The following SRBD1 variants were observed in gnomAD, a reference collection of about 807,000 sequenced individuals.
The protein encoded by SRBD1 is S1 RNA binding domain 1, also known as S1 RNA-binding domain-containing protein 1.
In SRBD1, 88 loss-of-function variants were observed where a neutral mutation model predicts 115.3. The ratio of observed to expected loss-of-function variants is 0.76; its 90% CI spans 0.64 to 0.91. The LOEUF (loss-of-function observed/expected upper bound fraction) is 0.91, where lower values mean the gene tolerates loss of function less well. Among genes scored for constraint, SRBD1 ranks in the 40% least tolerant of loss-of-function variants. SRBD1 has a pLI of 0.00. For missense variants in SRBD1, 1,385 were observed against 1,177.4 expected (o/e 1.18, Z -2.58); for synonymous variants, 509 against 407.7 (o/e 1.25, Z -2.99).
chr2:45,588,481 T>C (rs1020945108), intron 4 of SRBD1, among the ~76,000 whole-genome samples: 2 of 152,234 alleles, frequency 1.3e-5, no homozygotes, highest in Non-Finnish European at 2.9e-5. Flanking sequence ...CTGTACCTTT[T>C]CCTGTTTCCT....
intron 3 of SRBD1, 94 bp from the exon 4 acceptor site, chr2:45,599,929 TACAC>T (rs1313909425): frequency 6.0e-6 from 8 of 1,329,924 alleles, no homozygotes; most frequent in African/African-American, 1.5e-5. Flanking sequence ...AAATTATTGA[TACAC>T]ACAATAACTT....
chr2:45,552,325 T>C (rs1396186830), intron 11 of SRBD1, among the ~76,000 whole-genome samples: 1 of 152,164 alleles, frequency 6.6e-6, no homozygotes, highest in African/African-American at 2.4e-5. Flanking sequence ...TAAACTGAAA[T>C]AAGTTATATT....
chr2:45,569,895 T>C (rs1023656667), intron 9 of SRBD1, among the ~76,000 whole-genome samples: 1 of 152,188 alleles, frequency 6.6e-6, no homozygotes, highest in Non-Finnish European at 1.5e-5. Context: ...ATCCTTCAAG[T>C]GTTAAGGCCA....
chr2:45,607,032 A>G (rs1170477532), intron 1 of SRBD1, among the ~76,000 whole-genome samples: 1 of 152,252 alleles, frequency 6.6e-6, no homozygotes, highest in Non-Finnish European at 1.5e-5. Context: ...TGGGCAAAAT[A>G]GTGCTCAGAG....
intron 15 of SRBD1, among the ~76,000 whole-genome samples, chr2:45,483,618 T>C (rs1309763543): frequency 1.3e-5 from 2 of 152,148 alleles, no homozygotes; most frequent in Non-Finnish European, 2.9e-5. Flanking sequence ...TGTACTCTCT[T>C]TAAAATTTGT....
At chr2:45,431,550 T>G (rs1246410088) in intron 16 of SRBD1, among the ~76,000 whole-genome samples, 1 of 152,122 alleles carries the variant, frequency 6.6e-6, no homozygotes, top group Admixed American at 6.5e-5. Flanking sequence ...CCACATGTTC[T>G]CACTCATAAA....
At chr2:45,454,708 A>C (rs1353292132) in intron 16 of SRBD1, among the ~76,000 whole-genome samples, 3 of 151,880 alleles carry the variant, frequency 2.0e-5, no homozygotes, top group African/African-American at 7.2e-5. Flanking sequence ...AGTTCTTACA[A>C]TGCACGAACA....
chr2:45,439,768 T>C (rs531131796), intron 16 of SRBD1, among the ~76,000 whole-genome samples: 1 of 151,520 alleles, frequency 6.6e-6, no homozygotes, highest in Admixed American at 6.6e-5. Context: ...ATCTTTGCAT[T>C]TTTTTCTGCA....
In SRBD1 at chr2:45,418,446, A is replaced by T; in HGVS notation, c.2252T>A (p.Val751Glu). 6.2e-7 allele frequency: 1 copy of T among 1,613,372 alleles called. No individual in the cohort carries two copies. The highest frequency in any genetic ancestry group is 8.5e-7 in the Non-Finnish European group (1 of 1,179,804). ...PFINREQLKK[V>E]KGLGPKSFQQ... ...GAAGGATTTTGGGCCCAGCCCTTTCACTTTCTTCAGCTGTTCTCGGTTGAT... is the reference window on the plus strand; with the variant it reads ...GAAGGATTTTGGGCCCAGCCCTTTCTCTTTCTTCAGCTGTTCTCGGTTGAT... Residue 751 changes from valine (V) to glutamate (E), a missense_variant, in exon 18 of 21, where the codon GTG (valine) becomes GAG (glutamate). Val to Glu is a moderately radical substitution (Grantham distance 121). Coordinates refer to ENST00000263736, the MANE Select transcript of SRBD1 (RefSeq NM_018079.5).
At position 45,550,959 on chromosome 2, in the gene SRBD1, G is replaced by C. The variant is rs972946793; in HGVS notation, c.1675+166C>G. On this transcript the variant is annotated intron_variant, in intron 12 of 20. Coordinates refer to ENST00000263736, the MANE Select transcript of SRBD1 (RefSeq NM_018079.5). ...ATTGAGGAGTTTGATCAACAAATGA[G>C]AGAAAAATGAAGTTTGATTATCTGG... Among the ~76,000 whole-genome samples the C allele has an allele frequency of 1.3e-5, 2 of 152,132 alleles. 1 individual carries two copies. The highest frequency in any genetic ancestry group is 4.1e-4 in the South Asian group (2 of 4,826).
chr2:45,500,426 GAT>G (rs1491388603), intron 14 of SRBD1, among the ~76,000 whole-genome samples: 1 of 146,316 alleles, frequency 6.8e-6, no homozygotes, highest in East Asian at 2.1e-4. Context: ...AAACAATATT[GAT>G]TTTTTTTTTT....
chr2:45,486,695 T>C (rs1484397441), intron 15 of SRBD1, among the ~76,000 whole-genome samples: 2 of 151,742 alleles, frequency 1.3e-5, no homozygotes, highest in Admixed American at 6.6e-5. Flanking sequence ...TTCGCACCAC[T>C]GTACTCCAGC....
intron 4 of SRBD1, among the ~76,000 whole-genome samples, chr2:45,590,733 C>G (rs935523943): frequency 6.6e-6 from 1 of 152,122 alleles, no homozygotes; most frequent in Non-Finnish European, 1.5e-5. Context: ...AACCTCTTCC[C>G]TGGCCAGGTG....
At chr2:45,597,421 CAAAAAAA>C (rs753591482) in intron 4 of SRBD1, among the ~76,000 whole-genome samples, 2 of 67,778 alleles carry the variant, frequency 3.0e-5, no homozygotes, top group Non-Finnish European at 6.5e-5. Flanking sequence ...CTCTGTCTCA[CAAAAAAA>C]AAAAAAAATG....
chr2:45,428,573 A>C lies in SRBD1; in HGVS notation c.2050-8679T>G, dbSNP rs76819849. The stretch of plus-strand genomic sequence containing the variant: ...TCTCAAAAAAATAAATAAATAAATA[A>C]ATAAATAAATACATAAATAAATAAA... On this transcript the variant is annotated intron_variant, in intron 16 of 20. Transcript: ENST00000263736. Among the ~76,000 whole-genome samples, 214 of 123,308 alleles carry C rather than the reference A, an allele frequency of 1.7e-3. 4 individuals carry two copies. Among genetic ancestry groups the C allele is most frequent in the African/African-American group, 4.3e-3 (150 of 34,588 alleles). 80.9% of individuals were successfully genotyped at this position (123,308 alleles called of 152,430 possible). A position where few individuals can be genotyped will look rare whatever the true frequency, so the allele number is the denominator to read the frequency against.
At chr2:45,479,282 T>G (rs560756805) in intron 15 of SRBD1, among the ~76,000 whole-genome samples, 9 of 152,264 alleles carry the variant, frequency 5.9e-5, no homozygotes, top group Admixed American at 1.3e-4. Context: ...CGTCTCTCAC[T>G]TTAAATCAAA....
chr2:45,408,792 AC>A (rs1667509940), intron 19 of SRBD1, among the ~76,000 whole-genome samples: 2 of 152,238 alleles, frequency 1.3e-5, no homozygotes, highest in South Asian at 4.1e-4. Flanking sequence ...AGTTGATGAA[AC>A]ATTATCTAGC....
intron 9 of SRBD1, among the ~76,000 whole-genome samples, chr2:45,572,083 T>A (rs1673036092): frequency 6.6e-6 from 1 of 152,118 alleles, no homozygotes; most frequent in African/African-American, 2.4e-5. Flanking sequence ...AGACACATTA[T>A]AATCAAACTG....
intron 10 of SRBD1, among the ~76,000 whole-genome samples, chr2:45,558,804 G>T (rs1486767817): frequency 1.3e-5 from 2 of 148,340 alleles, no homozygotes; most frequent in African/African-American, 5.0e-5. Flanking sequence ...CAATTCTCCT[G>T]CCTCAGCCTC....
Sources: gnomAD v4.1 joint callset for allele counts (sites outside exome capture counted in the v4.1 genomes callset) on GRCh38, gnomAD v4.1.1 for gene constraint, MANE v1.5 for transcripts, NCBI Gene and HGNC (gene_info 2026-07-23, HGNC 2026-07-21) for gene names.